The following ETHE1 variants were observed in gnomAD, a reference collection of about 807,000 sequenced individuals.
ETHE1 encodes the protein persulfide dioxygenase ETHE1, mitochondrial.
ETHE1 carries 16 observed loss-of-function variants against 25.7 expected under a neutral mutation model. The ratio of observed to expected loss-of-function variants is 0.62; its 90% CI spans 0.42 to 0.95. The LOEUF (loss-of-function observed/expected upper bound fraction) is 0.95. Ranked by LOEUF, ETHE1 falls within the 40% of genes least tolerant of loss-of-function variation. ETHE1 has a pLI of 0.00. For synonymous variants in ETHE1, 139 were observed against 135.9 expected (o/e 1.02, Z -0.16); for missense variants, 300 against 333.6 (o/e 0.90, Z 0.79).
At chr19:43,525,736 T>G in intron 3 of ETHE1, 1 of 223,434 alleles carries the variant, frequency 4.5e-6, no homozygotes, top group Non-Finnish European at 9.1e-6. Flanking sequence ...TGAGAGCGAG[T>G]GCCTCCTTAA....
intron 5 of ETHE1, 131 bp from the exon 6 acceptor site, chr19:43,508,191 C>T (rs1401626387): frequency 7.7e-6 from 11 of 1,433,326 alleles, no homozygotes; most frequent in Non-Finnish European, 8.5e-6. Context: ...AAATTGCTTT[C>T]CCTCCTCCAT....
intron 3 of ETHE1, among the ~76,000 whole-genome samples, chr19:43,523,082 C>A (rs1268204866): frequency 1.3e-5 from 2 of 152,108 alleles, no homozygotes; most frequent in Non-Finnish European, 2.9e-5. Context: ...TCAGAACAGG[C>A]AAAACCGGCC....
chr19:43,521,315 G>T (rs1180324797), intron 3 of ETHE1, among the ~76,000 whole-genome samples: 1 of 151,552 alleles, frequency 6.6e-6, no homozygotes, highest in Non-Finnish European at 1.5e-5. Flanking sequence ...ACAGAGTGAG[G>T]CTCTGTCTCA....
At chr19:43,516,623 C>CTTTTT (rs71169249) in intron 3 of ETHE1, among the ~76,000 whole-genome samples, 10 of 110,168 alleles carry the variant, frequency 9.1e-5, no homozygotes, top group South Asian at 3.0e-4. Flanking sequence ...TTCTTTTTTT[C>CTTTTT]TTTTTTTTTT....
rs1971915094 is a variant in ETHE1 at position 43,511,491 on chromosome 19, A to G, written c.451T>C (p.Phe151Leu). ...CGGATCAACAGGGCATCTCCAGTGAAGGCCATGCTGTGGTCATTCAGGACG... is the reference window on the plus strand; with the variant it reads ...CGGATCAACAGGGCATCTCCAGTGAGGGCCATGCTGTGGTCATTCAGGACG... ...TFVLNDHSMA[F>L]TGDALLIRGC... The change falls in exon 4 of 7, where the codon TTC becomes CTC. Residue 151 changes from phenylalanine (F) to leucine (L), a missense_variant. Coordinates refer to ENST00000292147, the MANE Select transcript of ETHE1 (RefSeq NM_014297.5). The G allele has an allele frequency of 6.2e-7, 1 of 1,614,192 alleles. No individual in the cohort carries two copies. The highest frequency in any genetic ancestry group is 8.5e-7 in the Non-Finnish European group (1 of 1,180,044).
chr19:43,526,665 A>T lies in ETHE1; in HGVS notation c.82-6T>A. 6.2e-7 allele frequency: 1 copy of T among 1,613,188 alleles called. No individual in the cohort carries two copies. The highest frequency in any genetic ancestry group is 8.5e-7 in the Non-Finnish European group (1 of 1,180,018). ...CAGCTCACAGGCTCGAACATCTGGG[A>T]ACGGGGGACCCAGGTGAGGGCGCAG... On this transcript the variant is annotated splice_region_variant and splice_polypyrimidine_tract_variant and intron_variant, in intron 1 of 6. Transcript: ENST00000292147.
chr19:43,508,868 G>C lies in ETHE1; in HGVS notation c.506-4C>G, dbSNP rs1971849743. 1 of 1,600,520 alleles carries C rather than the reference G, an allele frequency of 6.2e-7. No individual in the cohort carries two copies. Among genetic ancestry groups the C allele is most frequent in the Non-Finnish European group, 8.5e-7 (1 of 1,173,332 alleles). The stretch of plus-strand genomic sequence containing the variant: ...TGGTACAAGGTCTTGGCACAGCCTG[G>C]GGAAGGAAAGATCAGAGGTCAGTGG... On this transcript the variant is annotated splice_region_variant and splice_polypyrimidine_tract_variant and intron_variant, in intron 4 of 6. Coordinates refer to ENST00000292147, the MANE Select transcript of ETHE1 (RefSeq NM_014297.5).
chr19:43,517,549 G>A (rs1972045731), intron 3 of ETHE1, among the ~76,000 whole-genome samples: 1 of 151,174 alleles, frequency 6.6e-6, no homozygotes, highest in African/African-American at 2.4e-5. Context: ...GGCCAAGGCA[G>A]GTGGATGACC....
At chr19:43,520,133 G>A (rs1972111687) in intron 3 of ETHE1, among the ~76,000 whole-genome samples, 1 of 151,550 alleles carries the variant, frequency 6.6e-6, no homozygotes, top group Admixed American at 6.6e-5. Context: ...TGGATCACTT[G>A]AGGTCAGGAG....
intron 3 of ETHE1, among the ~76,000 whole-genome samples, chr19:43,524,113 T>C (rs1972191864): frequency 6.6e-6 from 1 of 150,490 alleles, no homozygotes; most frequent in African/African-American, 2.5e-5. Flanking sequence ...CGCATGCCTG[T>C]AATCCCAGCT....
intron 1 of ETHE1, 153 bp from the exon 2 acceptor site, chr19:43,526,812 A>G: frequency 6.6e-7 from 1 of 1,509,170 alleles, no homozygotes; most frequent in Non-Finnish European, 8.9e-7. Context: ...GAGCCCCACT[A>G]CCTTCCCCTA....
intron 3 of ETHE1, among the ~76,000 whole-genome samples, chr19:43,520,225 A>C (rs1247285309): frequency 6.6e-6 from 1 of 151,334 alleles, no homozygotes; most frequent in African/African-American, 2.4e-5. Context: ...GTGTGGTGGC[A>C]CTCGCCTGTA....
intron 3 of ETHE1, among the ~76,000 whole-genome samples, chr19:43,519,615 G>A (rs1373039020): frequency 6.6e-6 from 1 of 152,100 alleles, no homozygotes; most frequent in Non-Finnish European, 1.5e-5. Context: ...TAACCCAGAA[G>A]GAATCCTGTA....
At chr19:43,518,828 A>C (rs1233622160) in intron 3 of ETHE1, among the ~76,000 whole-genome samples, 3 of 151,564 alleles carry the variant, frequency 2.0e-5, no homozygotes, top group Admixed American at 6.6e-5. Flanking sequence ...AGGAAGTCTC[A>C]AAGTATAGCC....
chr19:43,508,031 TCTC>T lies in ETHE1; in HGVS notation c.622_624del (p.Glu208del). The T allele has an allele frequency of 4.3e-6, 7 of 1,614,070 alleles. No homozygotes were observed. Among genetic ancestry groups the T allele is most frequent in the Non-Finnish European group, 5.9e-6 (7 of 1,180,006 alleles). On this transcript the variant is annotated inframe_deletion, in exon 6 of 7. Transcript: ENST00000292147. ...AGGGTGAGCCGAGGGTTCAGAGTCCTCTCCTCCTCCACGGTGGACACTGTGAAC... is the reference window on the plus strand; with the variant it reads ...AGGGTGAGCCGAGGGTTCAGAGTCCTCTCCTCCACGGTGGACACTGTGAAC...
intron 3 of ETHE1, among the ~76,000 whole-genome samples, chr19:43,523,990 C>T (rs560384182): frequency 1.6e-4 from 24 of 151,784 alleles, no homozygotes; most frequent in African/African-American, 4.6e-4. Flanking sequence ...AATCCCAACA[C>T]TTTGGGAGGC....
intron 3 of ETHE1, among the ~76,000 whole-genome samples, chr19:43,515,972 G>C (rs567766627): frequency 6.6e-6 from 1 of 152,240 alleles, no homozygotes; most frequent in South Asian, 2.1e-4. Context: ...ACTGGACGTA[G>C]GGATAATTCA....
At chr19:43,515,417 TAAAAAAA>T (rs77979210) in intron 3 of ETHE1, among the ~76,000 whole-genome samples, 3 of 97,290 alleles carry the variant, frequency 3.1e-5, no homozygotes, top group Non-Finnish European at 6.5e-5. Context: ...AACTCCGCCT[TAAAAAAA>T]AAAAAAAAAA....
intron 3 of ETHE1, among the ~76,000 whole-genome samples, chr19:43,519,538 C>T (rs1972098404): frequency 6.6e-6 from 1 of 152,070 alleles, no homozygotes; most frequent in Admixed American, 6.6e-5. Flanking sequence ...GTGACACATC[C>T]CCAGAGCTTT....
Sources: allele counts gnomAD v4.1 joint callset (sites outside exome capture counted in the v4.1 genomes callset), GRCh38; gene constraint gnomAD v4.1.1; transcripts MANE v1.5; gene names NCBI Gene and HGNC (gene_info 2026-07-23, HGNC 2026-07-21).